The following HMG20A variants were observed in gnomAD, a reference collection of about 807,000 sequenced individuals.
HMG20A encodes the protein high mobility group 20A.
HMG20A carries 17 observed loss-of-function variants against 43.9 expected under a neutral mutation model. That is an observed-to-expected ratio of 0.39 (90% CI 0.27 to 0.58). HMG20A has a LOEUF of 0.58. HMG20A is among the 20% of genes least tolerant of loss of function. The pLI, the probability that HMG20A is intolerant of heterozygous loss-of-function variation, is 0.59. For synonymous variants in HMG20A, 132 were observed against 147.5 expected (o/e 0.89, Z 0.76); for missense variants, 341 against 438.2 (o/e 0.78, Z 1.98).
intron 1 of HMG20A, among the ~76,000 whole-genome samples, chr15:77,453,755 A>AT (rs2072627770): frequency 6.6e-6 from 1 of 152,230 alleles, no homozygotes; most frequent in Non-Finnish European, 1.5e-5. Flanking sequence ...GCAGAATGAA[A>AT]TTCTGATACA....
intron 1 of HMG20A, among the ~76,000 whole-genome samples, chr15:77,425,963 C>A (rs536013109): frequency 6.6e-6 from 1 of 152,250 alleles, no homozygotes; most frequent in Non-Finnish European, 1.5e-5. Flanking sequence ...GTAGCAATAC[C>A]TGCTGTAACA....
At chr15:77,424,856 A>C (rs1286962899) in intron 1 of HMG20A, among the ~76,000 whole-genome samples, 1 of 152,170 alleles carries the variant, frequency 6.6e-6, no homozygotes, top group Non-Finnish European at 1.5e-5. Flanking sequence ...CTTTCAACTC[A>C]TTCTCCTAAA....
chr15:77,469,816 C>CT (rs1275166721), intron 4 of HMG20A, among the ~76,000 whole-genome samples: 1 of 152,122 alleles, frequency 6.6e-6, no homozygotes, highest in Non-Finnish European at 1.5e-5. Flanking sequence ...TACAGGCGTG[C>CT]ACCATCACAC....
intron 7 of HMG20A, 144 bp downstream of exon 7, chr15:77,477,774 G>A: frequency 1.7e-6 from 1 of 604,266 alleles, no homozygotes; most frequent in South Asian, 2.2e-5. Context: ...CTAGGGCATT[G>A]TTGTCAAAGC....
chr15:77,508,685 C>A, the HMG20A span, among the ~76,000 whole-genome samples: 1 of 152,218 alleles, frequency 6.6e-6, no homozygotes, highest in Non-Finnish European at 1.5e-5. Context: ...GGTCACTTGG[C>A]AGGCCACGTA....
downstream of HMG20A, among the ~76,000 whole-genome samples, chr15:77,489,849 G>C (rs188153489): frequency 1.8e-4 from 27 of 152,236 alleles, no homozygotes; most frequent in African/African-American, 6.0e-4. Context: ...GAGTGGCTTT[G>C]AAGTTGCAAG....
At chr15:77,497,827 G>A in the HMG20A span, among the ~76,000 whole-genome samples, 2 of 145,974 alleles carry the variant, frequency 1.4e-5, no homozygotes, top group Non-Finnish European at 1.5e-5. Flanking sequence ...TTGTTTTCTG[G>A]AAGATTTTTA....
the HMG20A span, among the ~76,000 whole-genome samples, chr15:77,505,413 T>C: frequency 6.6e-6 from 1 of 152,178 alleles, no homozygotes; most frequent in Non-Finnish European, 1.5e-5. Context: ...GATGCCCAGC[T>C]GGACAGAGCA....
chr15:77,498,789 C>T, the HMG20A span, among the ~76,000 whole-genome samples: 1 of 152,210 alleles, frequency 6.6e-6, no homozygotes, highest in African/African-American at 2.4e-5. Context: ...CCTATTATTC[C>T]CAACTGGGCC....
chr15:77,426,656 A>G (rs1413152413), intron 1 of HMG20A, among the ~76,000 whole-genome samples: 1 of 152,132 alleles, frequency 6.6e-6, no homozygotes, highest in Non-Finnish European at 1.5e-5. Context: ...TCAAGGGTCA[A>G]CTGTACAAAA....
intron 3 of HMG20A, among the ~76,000 whole-genome samples, chr15:77,465,575 A>G (rs1470027223): frequency 1.3e-5 from 2 of 152,070 alleles, no homozygotes; most frequent in Non-Finnish European, 2.9e-5. Context: ...TTGTATTTTC[A>G]GTGGAGATGG....
At chr15:77,486,522 G>C (rs527350849), downstream of HMG20A, among the ~76,000 whole-genome samples, 417 of 152,242 alleles carry the variant, frequency 2.7e-3, 2 homozygotes, top group African/African-American at 9.4e-3. Flanking sequence ...GCCTCCCAAA[G>C]TGCTGGGATT....
intron 1 of HMG20A, among the ~76,000 whole-genome samples, chr15:77,457,455 G>A (rs970025181): frequency 6.6e-6 from 1 of 152,224 alleles, no homozygotes; most frequent in East Asian, 1.9e-4. Context: ...TGGGGTCACT[G>A]CTGAATGTTT....
At chr15:77,517,769 C>T in the HMG20A span, among the ~76,000 whole-genome samples, 6 of 151,968 alleles carry the variant, frequency 3.9e-5, no homozygotes, top group Admixed American at 1.3e-4. Context: ...TGGGCTCAGA[C>T]GACCCTTCCC....
intron 1 of HMG20A, among the ~76,000 whole-genome samples, chr15:77,435,374 A>G (rs908306772): frequency 2.0e-5 from 3 of 152,178 alleles, no homozygotes; most frequent in Admixed American, 6.5e-5. Context: ...GCCTCCGCCT[A>G]CTGGGCTCAA....
intron 9 of HMG20A, among the ~76,000 whole-genome samples, chr15:77,481,258 T>G (rs1428968475): frequency 6.6e-6 from 1 of 152,200 alleles, no homozygotes; most frequent in Non-Finnish European, 1.5e-5. Context: ...CCAGATGGAA[T>G]GGACTGTACT....
chr15:77,426,553 G>C (rs1462247998), intron 1 of HMG20A, among the ~76,000 whole-genome samples: 1 of 152,156 alleles, frequency 6.6e-6, no homozygotes, highest in Admixed American at 6.5e-5. Flanking sequence ...GGCTGAGAAG[G>C]AGGAAGAGGA....
At chr15:77,501,429 T>A in the HMG20A span, among the ~76,000 whole-genome samples, 1 of 152,280 alleles carries the variant, frequency 6.6e-6, no homozygotes, top group South Asian at 2.1e-4. Context: ...TTTAAGTGAC[T>A]CCTCTCCCTC....
intron 8 of HMG20A, 40 bp from the exon 9 acceptor site, chr15:77,479,139 A>G (rs1325916492): frequency 2.5e-6 from 4 of 1,601,748 alleles, no homozygotes; most frequent in Non-Finnish European, 3.4e-6. Flanking sequence ...GTACAACTGA[A>G]TAGGGAGGAT....
Sources: allele counts gnomAD v4.1 joint callset (sites outside exome capture counted in the v4.1 genomes callset), GRCh38; gene constraint gnomAD v4.1.1; transcripts MANE v1.5; gene names NCBI Gene and HGNC (gene_info 2026-07-23, HGNC 2026-07-21).